The following METTL2B variants were observed in gnomAD, a reference collection of about 807,000 sequenced individuals.
METTL2B encodes tRNA N(3)-cytidine methyltransferase METTL2B.
In METTL2B, 28 loss-of-function variants were observed where a neutral mutation model predicts 51.0. That is an observed-to-expected ratio of 0.55 (90% CI 0.41 to 0.75). METTL2B has a LOEUF of 0.75. Ranked by LOEUF, METTL2B falls within the 30% of genes least tolerant of loss-of-function variation. The pLI is 0.00. For synonymous variants in METTL2B, 128 were observed against 166.3 expected, an observed-to-expected ratio of 0.77 and a Z score of 1.77; for missense variants, 313 against 460.7, an observed-to-expected ratio of 0.68 and a Z score of 2.93.
chr7:128,503,606 T>C lies in METTL2B; in HGVS notation c.*1690T>C, dbSNP rs1793070890. ...GGCACCATCATGCCTAGCTAATTGTTAGATCCTTTTTTTTTATGTTCTGCA... is the reference window on the plus strand; with the variant it reads ...GGCACCATCATGCCTAGCTAATTGTCAGATCCTTTTTTTTTATGTTCTGCA... On this transcript the variant is annotated 3_prime_UTR_variant, in exon 9 of 9. Transcript: ENST00000262432. The C allele has an allele frequency of 6.6e-6, 1 of 152,212 alleles. No homozygotes were observed. The highest frequency in any genetic ancestry group is 1.5e-5 in the Non-Finnish European group (1 of 68,042). 9.4% of individuals were successfully genotyped at this position (152,212 alleles called of 1,614,324 possible). A position where few individuals can be genotyped will look rare whatever the true frequency, so the allele number is the denominator to read the frequency against.
chr7:128,503,200 A>G lies in METTL2B; in HGVS notation c.*1284A>G, dbSNP rs1321759566. The G allele has an allele frequency of 6.6e-6, 1 of 152,352 alleles. No homozygotes were observed. The highest frequency in any genetic ancestry group is 1.5e-5 in the Non-Finnish European group (1 of 68,260). The allele number at this position is 152,352 out of a possible 1,614,324, so 9.4% of individuals were successfully genotyped here. On this transcript the variant is annotated 3_prime_UTR_variant, in exon 9 of 9. Transcript: ENST00000262432. ...GAGGCTAAGGCAGGAGAATCGTTTG[A>G]ACCTGGGAGGCAGAGGTTGCAGTGA...
chr7:128,500,289 C>G (rs1188988048), intron 7 of METTL2B, among the ~76,000 whole-genome samples: 2 of 152,064 alleles, frequency 1.3e-5, no homozygotes, highest in Admixed American at 1.3e-4. Context: ...TAATGGTTGT[C>G]TCAAGTTTCC....
At position 128,502,702 on chromosome 7, in the gene METTL2B, C is replaced by T; in HGVS notation, c.*786C>T. On this transcript the variant is annotated 3_prime_UTR_variant, in exon 9 of 9. Coordinates refer to ENST00000262432, the MANE Select transcript of METTL2B (RefSeq NM_018396.3). Reference sequence around the variant, plus strand: ...TCACCTGAGGTCAGGAGTTCGAGACCAGCGTGGCCAACATGGTGAAACCCC... The same window carrying T: ...TCACCTGAGGTCAGGAGTTCGAGACTAGCGTGGCCAACATGGTGAAACCCC... The T allele has an allele frequency of 2.4e-6, 1 of 410,416 alleles. No homozygotes were observed. The highest frequency in any genetic ancestry group is 4.7e-6 in the Non-Finnish European group (1 of 210,960). 25.4% of individuals were successfully genotyped at this position (410,416 alleles called of 1,614,324 possible).
chr7:128,498,009 T>C, intron 6 of METTL2B, 27 bp from the exon 7 acceptor site: 1 of 1,609,840 alleles, frequency 6.2e-7, no homozygotes, highest in East Asian at 2.2e-5. Flanking sequence ...GAGACCTGAT[T>C]AACTATAATT....
At chr7:128,487,347 C>T (rs3993566) in intron 4 of METTL2B, among the ~76,000 whole-genome samples, 149 of 152,294 alleles carry the variant, frequency 9.8e-4, no homozygotes, top group African/African-American at 3.2e-3. Context: ...GTTTCTAAAA[C>T]GCAAGCATAC....
intron 5 of METTL2B, among the ~76,000 whole-genome samples, chr7:128,489,795 ATT>A (rs1294521458): frequency 6.7e-6 from 1 of 150,344 alleles, no homozygotes; most frequent in Non-Finnish European, 1.5e-5. Flanking sequence ...CGCCCGGCTA[ATT>A]TTTTGTATTT....
At chr7:128,489,633 T>TC (rs1792790388) in intron 5 of METTL2B, among the ~76,000 whole-genome samples, 1 of 139,972 alleles carries the variant, frequency 7.1e-6, no homozygotes, top group Non-Finnish European at 1.6e-5. Context: ...CAATTTCTTT[T>TC]TTTTTTTTTT....
intron 2 of METTL2B, among the ~76,000 whole-genome samples, chr7:128,477,431 G>A (rs1584787550): frequency 1.3e-5 from 2 of 152,130 alleles, no homozygotes; most frequent in Non-Finnish European, 2.9e-5. Context: ...ATTATGTTGA[G>A]TAGATCCACG....
intron 7 of METTL2B, among the ~76,000 whole-genome samples, chr7:128,498,443 G>C (rs1209326195): frequency 6.6e-6 from 1 of 151,194 alleles, no homozygotes; most frequent in Non-Finnish European, 1.5e-5. Context: ...GTATACATAT[G>C]TATCAAACCT....
Position 128,503,862 on chromosome 7 carries a change from G to A in METTL2B, c.*1946G>A, listed in dbSNP as rs138227299. ...AAAAATAAAAAATCAGCCCGGCATG[G>A]TTGTGGGCGCCTGTAATCCCAGCTA... On this transcript the variant is annotated 3_prime_UTR_variant, in exon 9 of 9. Transcript: ENST00000262432. 5.3e-5 allele frequency: 8 copies of A among 152,016 alleles called. No individual in the cohort carries two copies. The highest frequency in any genetic ancestry group is 1.7e-4 in the African/African-American group (7 of 41,374). 9.4% of individuals were successfully genotyped at this position (152,016 alleles called of 1,614,324 possible). A position where few individuals can be genotyped will look rare whatever the true frequency, so the allele number is the denominator to read the frequency against.
chr7:128,488,628 C>T (rs1792763249), intron 5 of METTL2B: 1 of 398,404 alleles, frequency 2.5e-6, no homozygotes, highest in African/African-American at 2.1e-5. Context: ...TTCTCTCCCT[C>T]TCCTCAGGTC....
In METTL2B at chr7:128,494,026, C is replaced by G. The variant is rs144280649; in HGVS notation, c.809+83C>G. 2.6e-6 allele frequency: 4 copies of G among 1,527,870 alleles called. No individual in the cohort carries two copies. In the African/African-American group the frequency reaches 5.6e-5, roughly 21 times the overall value. 94.6% of individuals were successfully genotyped at this position (1,527,870 alleles called of 1,614,324 possible). A position where few individuals can be genotyped will look rare whatever the true frequency, so the allele number is the denominator to read the frequency against. ...TTTTTTTTTAAAATAGGGTCTTGCT[C>G]CGTCAGCCCAGGCTGGAGTGCAGTG... On this transcript the variant is annotated intron_variant, in intron 6 of 8. Coordinates refer to ENST00000262432, the MANE Select transcript of METTL2B (RefSeq NM_018396.3).
intron 4 of METTL2B, chr7:128,483,134 A>T (rs1057205972): frequency 2.4e-4 from 37 of 152,246 alleles, no homozygotes; most frequent in African/African-American, 8.9e-4. Flanking sequence ...AGATTGACTT[A>T]GCTTCAAGTT....
chr7:128,498,951 C>T (rs558964596), intron 7 of METTL2B, among the ~76,000 whole-genome samples: 56 of 150,266 alleles, frequency 3.7e-4, no homozygotes, highest in Non-Finnish European at 6.6e-4. Flanking sequence ...GAGCCGAGAT[C>T]GCACCATTGC....
intron 4 of METTL2B, among the ~76,000 whole-genome samples, chr7:128,485,949 G>C (rs1792696374): frequency 6.6e-6 from 1 of 152,192 alleles, no homozygotes; most frequent in Admixed American, 6.5e-5. Context: ...CATTGTGTAA[G>C]AGACTTGAGC....
intron 4 of METTL2B, chr7:128,484,217 C>CTTTTTTTTTTTTTTTTTGGTTT (rs1792642432): frequency 4.0e-4 from 17 of 42,412 alleles, no homozygotes; most frequent in African/African-American, 1.6e-3. Context: ...TGCCTAGATC[C>CTTTTTTTTTTTTTTTTTGGTTT]TTTTTTTTTT....
At chr7:128,484,217 C>CTTTTTTTTTTTGTTTTGTTTTT (rs1792641921) in intron 4 of METTL2B, 1 of 42,414 alleles carries the variant, frequency 2.4e-5, no homozygotes, top group African/African-American at 1.0e-4. Flanking sequence ...TGCCTAGATC[C>CTTTTTTTTTTTGTTTTGTTTTT]TTTTTTTTTT....
chr7:128,479,356 G>C lies in METTL2B; in HGVS notation c.401G>C (p.Gly134Ala), dbSNP rs749762340. Residue 134 changes from glycine to alanine, a missense_variant, in exon 3 of 9, where the codon GGT (glycine) becomes GCT (alanine). By Grantham distance (60) the Gly-to-Ala change is moderately conservative. Around this residue, in one of 4 missense-constraint regions of METTL2B, gnomAD observed 42 missense variants for 113.4 expected, o/e 0.37. Coordinates refer to ENST00000262432, the MANE Select transcript of METTL2B (RefSeq NM_018396.3). ...CECRNNEDGP[G>A]LIMEEQHKCS... is the part of the protein sequence containing the mutation. ...TGTAGAAACAATGAGGATGGACCTG[G>C]TTTAATAATGGAAGAACAGCACAAG... is the stretch of plus-strand genomic sequence containing the variant. The C allele has an allele frequency of 6.2e-7, 1 of 1,614,230 alleles. No homozygotes were observed. The highest frequency in any genetic ancestry group is 8.5e-7 in the Non-Finnish European group (1 of 1,180,036).
intron 6 of METTL2B, among the ~76,000 whole-genome samples, chr7:128,496,540 C>A (rs1239641774): frequency 2.0e-5 from 3 of 152,090 alleles, no homozygotes; most frequent in Non-Finnish European, 4.4e-5. Context: ...CAGAGTGAGA[C>A]CCTGTCTCAA....
Sources: allele counts gnomAD v4.1 joint callset (sites outside exome capture counted in the v4.1 genomes callset), GRCh38; gene constraint gnomAD v4.1.1; regional missense constraint gnomAD v4.1.1; transcripts MANE v1.5; gene names NCBI Gene and HGNC (gene_info 2026-07-23, HGNC 2026-07-21).